The following MYO5A variants were observed in gnomAD, a reference collection of about 807,000 sequenced individuals.
MYO5A encodes myosin VA.
In MYO5A, 98 loss-of-function variants were observed where a neutral mutation model predicts 249.7. That is an observed-to-expected ratio of 0.39 (90% CI 0.33 to 0.46). The LOEUF (loss-of-function observed/expected upper bound fraction) is 0.46, where lower values mean the gene tolerates loss of function less well. Ranked by LOEUF, MYO5A falls within the 20% of genes least tolerant of loss-of-function variation. The pLI is 0.98. For missense variants in MYO5A, 1,696 were observed against 2,308.8 expected, an observed-to-expected ratio of 0.73 and a Z score of 5.44; for synonymous variants, 778 against 810.6, an observed-to-expected ratio of 0.96 and a Z score of 0.68.
rs761654337 is a variant in MYO5A, at chr15:52,383,163, A to C, written c.1940T>G (p.Met647Arg). 4.3e-6 allele frequency: 7 copies of C among 1,614,036 alleles called. No homozygotes were observed. The highest frequency in any genetic ancestry group is 5.9e-6 in the Non-Finnish European group (7 of 1,179,900). Residue 647 changes from methionine to arginine, a missense_variant, in exon 16 of 42, where the codon ATG (methionine) becomes AGG (arginine). Physicochemically the swap from Met to Arg is moderately conservative, Grantham distance 91. This residue lies in a region of MYO5A where 277 missense variants were observed against 422.4 expected (regional missense o/e 0.66). Coordinates refer to ENST00000399233, the MANE Select transcript of MYO5A (RefSeq NM_001382347.1). ...AGGGGTAGTGGCATTGAGTGTCTCC[A>C]TAAGCAGGTGCAGGGAGTTTCTGAA... is the stretch of plus-strand genomic sequence containing the variant. ...HQFRNSLHLL[M>R]ETLNATTPHY...
intron 31 of MYO5A, among the ~76,000 whole-genome samples, chr15:52,342,593 A>G (rs1331167085): frequency 1.3e-5 from 2 of 152,130 alleles, no homozygotes. Context: ...TTTTAGCTTT[A>G]ATAGTATCTT....
intron 1 of MYO5A, among the ~76,000 whole-genome samples, chr15:52,466,684 G>A (rs532488700): frequency 1.3e-5 from 2 of 152,294 alleles, no homozygotes; most frequent in South Asian, 4.1e-4. Context: ...AGGGTAGGTA[G>A]CCACTCCCAT....
intron 1 of MYO5A, among the ~76,000 whole-genome samples, chr15:52,467,133 A>G (rs1183983124): frequency 6.6e-6 from 1 of 152,250 alleles, no homozygotes; most frequent in Admixed American, 6.5e-5. Context: ...GCAAGGTATT[A>G]TGGCGCCCTC....
intron 4 of MYO5A, among the ~76,000 whole-genome samples, chr15:52,421,369 G>A (rs1014436261): frequency 6.6e-6 from 1 of 152,158 alleles, no homozygotes; most frequent in African/African-American, 2.4e-5. Context: ...AAAGAGAAAT[G>A]TAGACATAAG....
In MYO5A at chr15:52,412,152, ACACT is replaced by A. The variant is rs202115276; in HGVS notation, c.613-1680_613-1677del. Among the ~76,000 whole-genome samples, 1,370 of 151,184 alleles carry A rather than the reference ACACT, an allele frequency of 9.1e-3. 17 individuals carry two copies. Among genetic ancestry groups the A allele is most frequent in the African/African-American group, 0.031 (1,306 of 41,488 alleles). Reference sequence around the variant, plus strand: ...AGAAGTAGCAGCAGCTACTCAATAAACACTCAATAAATATTAGTAACTGTCCTAA... The same window carrying A: ...AGAAGTAGCAGCAGCTACTCAATAAACAATAAATATTAGTAACTGTCCTAA... On this transcript the variant is annotated intron_variant, in intron 5 of 41. Coordinates refer to ENST00000399233, the MANE Select transcript of MYO5A (RefSeq NM_001382347.1).
chr15:52,390,810 C>T (rs2042199829), intron 12 of MYO5A, among the ~76,000 whole-genome samples: 1 of 152,106 alleles, frequency 6.6e-6, no homozygotes, highest in South Asian at 2.1e-4. Context: ...CCACCCACCT[C>T]AGCCTCTCAA....
At chr15:52,430,756 T>G (rs1225193218) in intron 2 of MYO5A, among the ~76,000 whole-genome samples, 1 of 152,148 alleles carries the variant, frequency 6.6e-6, no homozygotes, top group African/African-American at 2.4e-5. Context: ...CTTCTTATAA[T>G]AGGGTATGGA....
intron 20 of MYO5A, among the ~76,000 whole-genome samples, chr15:52,372,694 T>C (rs925621466): frequency 3.3e-5 from 5 of 152,120 alleles, no homozygotes; most frequent in Admixed American, 3.3e-4. Flanking sequence ...GAAAAACAAC[T>C]ATAAAAAGAA....
chr15:52,428,301 C>T, intron 3 of MYO5A, 97 bp downstream of exon 3: 1 of 1,315,034 alleles, frequency 7.6e-7, no homozygotes, highest in Non-Finnish European at 1.1e-6. Flanking sequence ...TAGAGAAAAT[C>T]CAACCACAGC....
chr15:52,347,211 T>C (rs1349053481), intron 29 of MYO5A, among the ~76,000 whole-genome samples: 2 of 152,198 alleles, frequency 1.3e-5, no homozygotes, highest in African/African-American at 4.8e-5. Flanking sequence ...CCTATTCAGC[T>C]ACTCTATCTT....
At chr15:52,470,806 C>A (rs529466182) in intron 1 of MYO5A, among the ~76,000 whole-genome samples, 1 of 152,000 alleles carries the variant, frequency 6.6e-6, no homozygotes, top group East Asian at 1.9e-4. Context: ...GCGGATCACT[C>A]GAGGTCAGGC....
intron 1 of MYO5A, among the ~76,000 whole-genome samples, chr15:52,476,527 G>T (rs939189039): frequency 6.6e-6 from 1 of 152,150 alleles, no homozygotes; most frequent in African/African-American, 2.4e-5. Flanking sequence ...GCAGTGGCTG[G>T]TACTGGTTGT....
intron 24 of MYO5A, among the ~76,000 whole-genome samples, chr15:52,362,666 C>T (rs968322931): frequency 4.6e-5 from 7 of 152,146 alleles, no homozygotes; most frequent in South Asian, 2.1e-4. Context: ...GGAGAGGACA[C>T]ATGACTGAGA....
chr15:52,394,364 G>C (rs2042390776), intron 11 of MYO5A, among the ~76,000 whole-genome samples: 1 of 152,234 alleles, frequency 6.6e-6, no homozygotes, highest in Admixed American at 6.5e-5. Context: ...GCAATTAGTA[G>C]TGGGAGTTGA....
At chr15:52,525,020 C>G (rs976944412) in intron 1 of MYO5A, among the ~76,000 whole-genome samples, 1 of 152,154 alleles carries the variant, frequency 6.6e-6, no homozygotes, top group Non-Finnish European at 1.5e-5. Flanking sequence ...GATAATCCTT[C>G]TAGGTCTAAT....
Position 52,353,482 on chromosome 15 carries a change from G to A in MYO5A, c.3621+123C>T. On this transcript the variant is annotated intron_variant, in intron 27 of 41. Transcript: ENST00000399233. Reference sequence around the variant, plus strand: ...ACAAGAAGTAATGCTGAATAAGGCTGAAGCTAGGACCTCTGGTGCAATCTC... The same window carrying A: ...ACAAGAAGTAATGCTGAATAAGGCTAAAGCTAGGACCTCTGGTGCAATCTC... 15 of 816,886 alleles carry A rather than the reference G, an allele frequency of 1.8e-5. No individual in the cohort carries two copies. The South Asian group carries it at 2.1e-4, about 12-fold the overall frequency. 50.6% of individuals were successfully genotyped at this position (816,886 alleles called of 1,614,324 possible). A position where few individuals can be genotyped will look rare whatever the true frequency, so the allele number is the denominator to read the frequency against.
chr15:52,528,726 G>C, intron 1 of MYO5A, 54 bp downstream of exon 1: 1 of 1,483,500 alleles, frequency 6.7e-7, no homozygotes, highest in Non-Finnish European at 8.9e-7. Flanking sequence ...CCTGACAGCT[G>C]GCGGCGAGGG....
intron 39 of MYO5A, among the ~76,000 whole-genome samples, chr15:52,318,696 T>C (rs1301066654): frequency 6.6e-6 from 1 of 152,202 alleles, no homozygotes; most frequent in Non-Finnish European, 1.5e-5. Flanking sequence ...TATTATAATT[T>C]AATAATTTCT....
At chr15:52,528,901 G>A (rs1462456528), upstream of MYO5A, 55 of 1,242,142 alleles carry the variant, frequency 4.4e-5, no homozygotes, top group Non-Finnish European at 5.0e-5. Flanking sequence ...CGCAGCCGCC[G>A]GCAGGGAGCA....
Sources: allele counts gnomAD v4.1 joint callset (sites outside exome capture counted in the v4.1 genomes callset), GRCh38; gene constraint gnomAD v4.1.1; regional missense constraint gnomAD v4.1.1; transcripts MANE v1.5; gene names NCBI Gene and HGNC (gene_info 2026-07-23, HGNC 2026-07-21).